Variants in DNAL1 observed in about 807,000 individuals in gnomAD.
DNAL1 encodes the protein dynein axonemal light chain 1, also known as chromosome 14 open reading frame 168.
In DNAL1, 17 loss-of-function variants were observed where a neutral mutation model predicts 29.4. The ratio of observed to expected loss-of-function variants is 0.58; its 90% CI spans 0.40 to 0.87. The LOEUF is 0.87. Among genes scored for constraint, DNAL1 ranks in the 40% least tolerant of loss-of-function variants. DNAL1 has a pLI of 0.00. For synonymous variants in DNAL1, 78 were observed against 76.3 expected, an observed-to-expected ratio of 1.02 and a Z score of -0.12; for missense variants, 188 against 214.1, an observed-to-expected ratio of 0.88 and a Z score of 0.76.
intron 5 of DNAL1, among the ~76,000 whole-genome samples, chr14:73,680,738 G>T (rs2045467625): frequency 6.6e-6 from 1 of 152,060 alleles, no homozygotes; most frequent in Non-Finnish European, 1.5e-5. Flanking sequence ...TGCAACATTA[G>T]GCAATCGTTG....
intron 1 of DNAL1, among the ~76,000 whole-genome samples, chr14:73,648,112 G>A (rs1396044079): frequency 6.6e-6 from 1 of 151,782 alleles, no homozygotes; most frequent in Non-Finnish European, 1.5e-5. Context: ...CGAGTAGCTG[G>A]GATTACAGGC....
Position 73,697,746 on chromosome 14 carries a change from A to ATT in DNAL1, c.*1804_*1805insTT. 1 of 147,918 alleles carries ATT rather than the reference A, an allele frequency of 6.8e-6. No homozygotes were observed. The highest frequency in any genetic ancestry group is 6.7e-5 in the Admixed American group (1 of 14,868). The allele number at this position is 147,918 out of a possible 1,614,324, so 9.2% of individuals were successfully genotyped here. A position where few individuals can be genotyped will look rare whatever the true frequency, so the allele number is the denominator to read the frequency against. On this transcript the variant is annotated 3_prime_UTR_variant, in exon 8 of 8. Coordinates refer to ENST00000553645, the MANE Select transcript of DNAL1 (RefSeq NM_031427.4). ...CAATAGAGCGAGACTCCATATTTAA[A>ATT]AAAAAAAAAAAAAAAAAAAGAGGAA... is the stretch of plus-strand genomic sequence containing the variant.
At chr14:73,689,288 C>T (rs779005413) in intron 6 of DNAL1, 87 bp from the exon 7 acceptor site, 53 of 1,487,166 alleles carry the variant, frequency 3.6e-5, no homozygotes, top group African/African-American at 1.1e-4. Context: ...CGCCTTGTCC[C>T]CCCAAAGTTC....
chr14:73,668,824 ACAC>A (rs1891547161), intron 4 of DNAL1, among the ~76,000 whole-genome samples: 1 of 152,036 alleles, frequency 6.6e-6, no homozygotes, highest in South Asian at 2.1e-4. Flanking sequence ...TTACAGGGAC[ACAC>A]CACCATGCCC....
chr14:73,692,935 C>T (rs116566695), intron 7 of DNAL1, among the ~76,000 whole-genome samples: 2,038 of 151,678 alleles, frequency 0.013, 38 homozygotes, highest in African/African-American at 0.046. Flanking sequence ...CTCCCAGATT[C>T]GAGCAATTCT....
intron 5 of DNAL1, 21 bp downstream of exon 5, chr14:73,671,618 A>G (rs771602794): frequency 9.2e-6 from 13 of 1,414,122 alleles, no homozygotes; most frequent in Non-Finnish European, 1.2e-5. Context: ...ATTTATTATT[A>G]TTTTATTTAT....
At chr14:73,651,246 T>G (rs946954760) in intron 1 of DNAL1, 1 of 152,256 alleles carries the variant, frequency 6.6e-6, no homozygotes, top group Non-Finnish European at 1.5e-5. Context: ...CTTCCCATAG[T>G]GCTGGGATTG....
chr14:73,692,600 A>G (rs1393707235), intron 7 of DNAL1, among the ~76,000 whole-genome samples: 1 of 151,184 alleles, frequency 6.6e-6, no homozygotes, highest in Non-Finnish European at 1.5e-5. Context: ...CGGAGGTTGC[A>G]GTGAGCCGAG....
intron 5 of DNAL1, among the ~76,000 whole-genome samples, chr14:73,673,413 A>T (rs754526546): frequency 1.3e-5 from 2 of 152,216 alleles, no homozygotes; most frequent in Non-Finnish European, 2.9e-5. Flanking sequence ...AGAGACCACA[A>T]ATAAATTATA....
Position 73,654,828 on chromosome 14 carries a change from C to CTTTT in DNAL1, c.4-8_4-5dup. On this transcript the variant is annotated intron_variant, in intron 1 of 7. Coordinates refer to ENST00000553645, the MANE Select transcript of DNAL1 (RefSeq NM_031427.4). ...TACAACTTTGTTTTTTCTTTTCTTT[C>CTTTT]TTTTTTTTTTTTTTAAAGGCGAAAG... 2 of 1,338,968 alleles carry CTTTT rather than the reference C, an allele frequency of 1.5e-6. No homozygotes were observed. The highest frequency in any genetic ancestry group is 2.0e-6 in the Non-Finnish European group (2 of 1,004,808). 82.9% of individuals were successfully genotyped at this position (1,338,968 alleles called of 1,614,324 possible).
intron 1 of DNAL1, among the ~76,000 whole-genome samples, chr14:73,648,260 G>T (rs1256341704): frequency 6.6e-6 from 1 of 151,458 alleles, no homozygotes; most frequent in Non-Finnish European, 1.5e-5. Context: ...TTGCAGGCGT[G>T]AGCCACCGCG....
chr14:73,646,052 A>C (rs1197876958), intron 1 of DNAL1, among the ~76,000 whole-genome samples: 2 of 152,186 alleles, frequency 1.3e-5, no homozygotes, highest in Non-Finnish European at 2.9e-5. Flanking sequence ...ACAAGATGAA[A>C]TACCACTCTT....
Position 73,662,038 on chromosome 14 carries a change from C to G in DNAL1, c.204C>G (p.Gly68=). The change falls in exon 4 of 8, where the codon GGC becomes GGG. Residue 68 remains glycine, a synonymous_variant. Coordinates refer to ENST00000553645, the MANE Select transcript of DNAL1 (RefSeq NM_031427.4). ...TTGAAAAAATTGCCAACCTGAATGG[C>G]TTAAGTAAGTGATTCACAGTAACAG... The part of the protein sequence containing the change: ...NCIEKIANLN[G]LKNLRILSLG... 1 of 1,560,400 alleles carries G rather than the reference C, an allele frequency of 6.4e-7. No homozygotes were observed.
intron 3 of DNAL1, among the ~76,000 whole-genome samples, chr14:73,661,572 C>G (rs1205860197): frequency 6.6e-6 from 1 of 152,116 alleles, no homozygotes; most frequent in Non-Finnish European, 1.5e-5. Flanking sequence ...TGGTGAAACC[C>G]TGTCTCCACT....
intron 2 of DNAL1, 50 bp downstream of exon 2, chr14:73,654,935 T>C: frequency 1.3e-6 from 2 of 1,516,800 alleles, no homozygotes; most frequent in Admixed American, 2.1e-5. Context: ...AGGAAAAATT[T>C]TGGATAGTTA....
chr14:73,685,580 C>T (rs1159672471), intron 5 of DNAL1, among the ~76,000 whole-genome samples: 3 of 151,728 alleles, frequency 2.0e-5, no homozygotes, highest in East Asian at 1.9e-4. Flanking sequence ...CTGCCTCAGC[C>T]GCCAAAGTAG....
chr14:73,693,147 T>C (rs1892216916), intron 7 of DNAL1, among the ~76,000 whole-genome samples: 1 of 152,150 alleles, frequency 6.6e-6, no homozygotes, highest in Non-Finnish European at 1.5e-5. Context: ...AGCTGAGGGA[T>C]GTTAAAAATC....
intron 1 of DNAL1, among the ~76,000 whole-genome samples, chr14:73,649,056 TC>T (rs1891050793): frequency 6.6e-6 from 1 of 151,382 alleles, no homozygotes; most frequent in African/African-American, 2.4e-5. Flanking sequence ...GCTCACTGCA[TC>T]CTCCACCACC....
chr14:73,668,956 C>A (rs1344104685), intron 4 of DNAL1, among the ~76,000 whole-genome samples: 3 of 152,088 alleles, frequency 2.0e-5, no homozygotes, highest in African/African-American at 7.2e-5. Context: ...GGATTACAGG[C>A]GTGAGCCTCT....
Sources: allele counts gnomAD v4.1 joint callset (sites outside exome capture counted in the v4.1 genomes callset), GRCh38; gene constraint gnomAD v4.1.1; transcripts MANE v1.5; gene names NCBI Gene and HGNC (gene_info 2026-07-23, HGNC 2026-07-21).